Variants in GPR137B observed in about 807,000 individuals in gnomAD.
GPR137B encodes the protein G protein-coupled receptor 137B, also known as integral membrane protein GPR137B.
A neutral mutation model predicts 42.5 loss-of-function variants in GPR137B; 42 were observed. That is an observed-to-expected ratio of 0.99 (90% CI 0.77 to 1.28). GPR137B has a LOEUF of 1.28. GPR137B is among the 50% of genes most tolerant of loss of function. GPR137B has a pLI of 0.00. For missense variants in GPR137B, 487 were observed against 493.9 expected, an observed-to-expected ratio of 0.99 and a Z score of 0.13; for synonymous variants, 218 against 209.7, an observed-to-expected ratio of 1.04 and a Z score of -0.34.
chr1:236,152,872 AT>A (rs1393505293), intron 1 of GPR137B, among the ~76,000 whole-genome samples: 1 of 151,872 alleles, frequency 6.6e-6, no homozygotes, highest in Non-Finnish European at 1.5e-5. Context: ...CCTGGCCAAC[AT>A]GGTGAAACCC....
intron 5 of GPR137B, among the ~76,000 whole-genome samples, chr1:236,199,576 T>A (rs2102924212): frequency 6.6e-6 from 1 of 150,794 alleles, no homozygotes; most frequent in East Asian, 1.9e-4. Flanking sequence ...TCGCTAGTTG[T>A]TATGTTCAGT....
intron 2 of GPR137B, among the ~76,000 whole-genome samples, chr1:236,176,463 G>A (rs940116726): frequency 2.0e-5 from 3 of 152,080 alleles, no homozygotes; most frequent in Admixed American, 6.5e-5. Context: ...TCCTTACTGT[G>A]GCACCTTCCT....
chr1:236,207,546 G>A (rs371533544), intron 6 of GPR137B, among the ~76,000 whole-genome samples: 118 of 152,266 alleles, frequency 7.7e-4, no homozygotes, highest in Middle Eastern at 3.4e-3. Flanking sequence ...CTACATAGAG[G>A]AACATAATTA....
intron 1 of GPR137B, among the ~76,000 whole-genome samples, chr1:236,167,803 A>T (rs776439016): frequency 3.3e-5 from 5 of 152,144 alleles, no homozygotes; most frequent in African/African-American, 1.2e-4. Context: ...GTGCTGTAGC[A>T]GTAGCAGCCT....
intron 1 of GPR137B, among the ~76,000 whole-genome samples, chr1:236,146,337 C>T (rs1661681742): frequency 6.6e-6 from 1 of 152,112 alleles, no homozygotes; most frequent in African/African-American, 2.4e-5. Flanking sequence ...GACATGAGTC[C>T]TCTGAGAAGA....
At chr1:236,149,832 G>A (rs1661793009) in intron 1 of GPR137B, among the ~76,000 whole-genome samples, 2 of 152,276 alleles carry the variant, frequency 1.3e-5, no homozygotes, top group Admixed American at 1.3e-4. Flanking sequence ...AGAGTTGTGT[G>A]TGCACCTAGG....
At chr1:236,176,617 T>A (rs1662693814) in intron 2 of GPR137B, among the ~76,000 whole-genome samples, 1 of 152,142 alleles carries the variant, frequency 6.6e-6, no homozygotes, top group African/African-American at 2.4e-5. Context: ...AGTTGTTTAA[T>A]TCCCCTGTGA....
At chr1:236,186,633 C>T (rs1181215493) in intron 5 of GPR137B, among the ~76,000 whole-genome samples, 1 of 151,700 alleles carries the variant, frequency 6.6e-6, no homozygotes, top group Non-Finnish European at 1.5e-5. Context: ...TGATGGTTTC[C>T]AGCTTCATCC....
intron 1 of GPR137B, among the ~76,000 whole-genome samples, chr1:236,160,628 T>C (rs188451650): frequency 5.9e-5 from 9 of 152,350 alleles, no homozygotes; most frequent in African/African-American, 1.7e-4. Flanking sequence ...TTCACAAACA[T>C]GCGCTTTTGG....
At chr1:236,206,437 C>T (rs1663665044) in intron 6 of GPR137B, among the ~76,000 whole-genome samples, 2 of 152,172 alleles carry the variant, frequency 1.3e-5, no homozygotes, top group Admixed American at 6.5e-5. Flanking sequence ...TATACTTTCA[C>T]GTGAGTTTTA....
At chr1:236,185,366 T>C (rs1571995430) in intron 5 of GPR137B, among the ~76,000 whole-genome samples, 1 of 152,332 alleles carries the variant, frequency 6.6e-6, no homozygotes, top group East Asian at 1.9e-4. Context: ...CTTCAGAGTC[T>C]AGGTAACGAG....
At chr1:236,194,674 A>C (rs1663287743) in intron 5 of GPR137B, among the ~76,000 whole-genome samples, 1 of 152,232 alleles carries the variant, frequency 6.6e-6, no homozygotes, top group South Asian at 2.1e-4. Flanking sequence ...TTTACTTTTT[A>C]GAAGCTGCTG....
rs111336183 is a variant in GPR137B, at chr1:236,155,492, T to A, written c.414+12456T>A. ...ACTGAAGGACGGCGTTTGGTGTGGC[T>A]TTAGGTTGACTTGGAGAGCCGCAAA... On this transcript the variant is annotated intron_variant, in intron 1 of 6. Transcript: ENST00000366592. The surrounding 1 kb of genome is among the most constrained non-coding windows in gnomAD (Gnocchi z 4.6). Among the ~76,000 whole-genome samples, 1 of 152,124 alleles carries A rather than the reference T, an allele frequency of 6.6e-6. No homozygotes were observed. Among genetic ancestry groups the A allele is most frequent in the Non-Finnish European group, 1.5e-5 (1 of 68,012 alleles).
At position 236,208,173 on chromosome 1, in the gene GPR137B, T is replaced by G. The variant is rs1663722199; in HGVS notation, c.*15T>G. On this transcript the variant is annotated 3_prime_UTR_variant, in exon 7 of 7. Coordinates refer to ENST00000366592, the MANE Select transcript of GPR137B (RefSeq NM_003272.4). ...GCCTTGGGTAGCATCAGTTAACAGT[T>G]TTATGGACGATTCCTCAGATGAAAA... The G allele has an allele frequency of 6.2e-6, 10 of 1,612,098 alleles. No homozygotes were observed. Among genetic ancestry groups the G allele is most frequent in the African/African-American group, 1.3e-5 (1 of 74,866 alleles).
intron 2 of GPR137B, among the ~76,000 whole-genome samples, chr1:236,178,192 C>T (rs1426033990): frequency 6.6e-6 from 1 of 152,110 alleles, no homozygotes; most frequent in African/African-American, 2.4e-5. Flanking sequence ...TCACAACATC[C>T]CACAGATGGG....
intron 1 of GPR137B, among the ~76,000 whole-genome samples, chr1:236,168,065 C>T (rs575777813): frequency 2.6e-5 from 4 of 152,306 alleles, no homozygotes; most frequent in African/African-American, 9.6e-5. Context: ...CCTGGGTAGG[C>T]AGACACTTAC....
intron 1 of GPR137B, among the ~76,000 whole-genome samples, chr1:236,167,069 G>A (rs1662380523): frequency 6.6e-6 from 1 of 152,218 alleles, no homozygotes; most frequent in Non-Finnish European, 1.5e-5. Flanking sequence ...TCCATGGAGA[G>A]CAGTTTGCTT....
rs1662525650 is a variant in GPR137B at position 236,171,145 on chromosome 1, T to TCAGCAA, written c.464+2390_464+2391insCAGCAA. Among the ~76,000 whole-genome samples, 2 of 152,214 alleles carry TCAGCAA rather than the reference T, an allele frequency of 1.3e-5. No individual in the cohort carries two copies. The highest frequency in any genetic ancestry group is 4.8e-5 in the African/African-American group (2 of 41,446). On this transcript the variant is annotated intron_variant, in intron 2 of 6. Coordinates refer to ENST00000366592, the MANE Select transcript of GPR137B (RefSeq NM_003272.4). This position sits in a 1 kb window ranked among gnomAD's most constrained non-coding sequence, Gnocchi z 4.4. ...TAAATAACTCAGCATAAAACAGTTG[T>TCAGCAA]AACTGTGTTTTGACTGCAATCCATC...
chr1:236,148,325 G>T (rs1249923148), intron 1 of GPR137B, among the ~76,000 whole-genome samples: 7 of 152,226 alleles, frequency 4.6e-5, no homozygotes, highest in Non-Finnish European at 1.0e-4. Flanking sequence ...TGATGTGGCG[G>T]TGGGCTCGGT....
Sources: allele counts gnomAD v4.1 joint callset (sites outside exome capture counted in the v4.1 genomes callset), GRCh38; gene constraint gnomAD v4.1.1; non-coding constraint Gnocchi (gnomAD v3.1); transcripts MANE v1.5; gene names NCBI Gene and HGNC (gene_info 2026-07-23, HGNC 2026-07-21).